The following KRT37 variants were observed in gnomAD, a reference collection of about 807,000 sequenced individuals.
KRT37 encodes keratin, type I cuticular Ha7.
Under a neutral mutation model 41.9 loss-of-function variants are expected in KRT37, and 38 were observed. That is an observed-to-expected ratio of 0.91 (90% CI 0.70 to 1.19). The LOEUF (loss-of-function observed/expected upper bound fraction) is 1.19, where lower values mean the gene tolerates loss of function less well. KRT37 is among the 50% of genes most tolerant of loss of function. The pLI is 0.00. For synonymous variants in KRT37, 252 were observed against 243.4 expected (o/e 1.04, Z -0.33); for missense variants, 580 against 575.5 (o/e 1.01, Z -0.08).
rs2018540584 is a variant in KRT37, at chr17:41,421,579, A to C, written c.1029T>G (p.Cys343Trp). Reference sequence around the variant, plus strand: ...CCGCTTCACACAGGGAGTTCTGCAGACAGTCCTTCTGTAATGGGAAATAAT... The same window carrying C: ...CCGCTTCACACAGGGAGTTCTGCAGCCAGTCCTTCTGTAATGGGAAATAAT... ...ERQAQHTLKD[C>W]LQNSLCEAED... Residue 343 changes from cysteine (C) to tryptophan (W), a missense_variant, in exon 6 of 7, where the codon TGT (cysteine) becomes TGG (tryptophan). Transcript: ENST00000225550. 6.2e-7 allele frequency: 1 copy of C among 1,614,136 alleles called. No homozygotes were observed. Among genetic ancestry groups the C allele is most frequent in the Non-Finnish European group, 8.5e-7 (1 of 1,179,968 alleles).
At chr17:41,423,131 A>T in intron 2 of KRT37, among the ~76,000 whole-genome samples, 197 bp from the exon 3 acceptor site, 1 of 152,290 alleles carries the variant, frequency 6.6e-6, no homozygotes, top group South Asian at 2.1e-4. Context: ...GAGGCTCAGA[A>T]ACAAAACACG....
chr17:41,422,976 T>C (rs192265559), intron 2 of KRT37, 42 bp from the exon 3 acceptor site: 1 of 1,588,124 alleles, frequency 6.3e-7, no homozygotes, highest in Non-Finnish European at 8.6e-7. Context: ...AATGCCCCAA[T>C]AGCCCCTCTC....
intron 6 of KRT37, 120 bp downstream of exon 6, chr17:41,421,247 C>A (rs2018535054): frequency 1.8e-6 from 2 of 1,086,484 alleles, no homozygotes; most frequent in East Asian, 5.0e-5. Context: ...AGTCACTGAG[C>A]AAGAGAGCAC....
At position 41,420,716 on chromosome 17, in the gene KRT37, C is replaced by A; in HGVS notation, c.*162G>T. The A allele has an allele frequency of 1.9e-6, 1 of 519,784 alleles. No individual in the cohort carries two copies. Among genetic ancestry groups the A allele is most frequent in the Non-Finnish European group, 3.4e-6 (1 of 291,980 alleles). 32.2% of individuals were successfully genotyped at this position (519,784 alleles called of 1,614,324 possible). A position where few individuals can be genotyped will look rare whatever the true frequency, so the allele number is the denominator to read the frequency against. ...ATTTTAGCAACAACAAAAAATACAG[C>A]TTAGAGGCATAGGCAGGGAGCCACT... On this transcript the variant is annotated 3_prime_UTR_variant, in exon 7 of 7. Coordinates refer to ENST00000225550, the MANE Select transcript of KRT37 (RefSeq NM_003770.5).
rs116471567 is a variant in KRT37 at position 41,422,009 on chromosome 17, T to C, written c.1020+60A>G. On this transcript the variant is annotated intron_variant, in intron 5 of 6. Transcript: ENST00000225550. The stretch of plus-strand genomic sequence containing the variant: ...AACTGATTTGTGAGACTTTAAGAGA[T>C]GCTACTACCAGGACATGGCATGGGG... 4.1e-4 allele frequency: 668 copies of C among 1,612,012 alleles called. 3 individuals carry two copies. In the African/African-American group the frequency reaches 8.2e-3, roughly 20 times the overall value.
intron 2 of KRT37, 171 bp downstream of exon 2, chr17:41,423,591 C>T: frequency 1.7e-6 from 1 of 604,018 alleles, no homozygotes; most frequent in East Asian, 2.8e-5. Context: ...TATTCTCTTT[C>T]CTCCTATATA....
chr17:41,422,168 C>G lies in KRT37; in HGVS notation c.921G>C (p.Met307Ile), dbSNP rs1215831249. ...AQSEGISLQA[M>I]SCSEELQCCQ... ...AGCACTGCAGCTCCTCGGAGCAGGA[C>G]ATGGCCTGCAGGCTGATGCCTTCAG... The change falls in exon 5 of 7, where the codon ATG becomes ATC. Residue 307 changes from methionine (M) to isoleucine (I), a missense_variant. Met to Ile is a conservative substitution (Grantham distance 10, BLOSUM62 1). Coordinates refer to ENST00000225550, the MANE Select transcript of KRT37 (RefSeq NM_003770.5). 1 of 1,614,054 alleles carries G rather than the reference C, an allele frequency of 6.2e-7. No homozygotes were observed. Among genetic ancestry groups the G allele is most frequent in the African/African-American group, 1.3e-5 (1 of 74,922 alleles).
At chr17:41,421,054 A>G in intron 6 of KRT37, 68 bp from the exon 7 acceptor site, 2 of 1,293,776 alleles carry the variant, frequency 1.5e-6, no homozygotes, top group South Asian at 1.2e-5. Flanking sequence ...GGGTAAGATC[A>G]GGGTGAAGGC....
chr17:41,423,312 C>A, intron 2 of KRT37: 1 of 261,224 alleles, frequency 3.8e-6, no homozygotes. Flanking sequence ...CTCTTGGATT[C>A]ATTATTTCTC....
intron 2 of KRT37, chr17:41,423,557 C>G: frequency 1.8e-6 from 1 of 570,672 alleles, no homozygotes; most frequent in Non-Finnish European, 3.1e-6. Flanking sequence ...TAGACTACAG[C>G]CCTTCTTTTT....
chr17:41,420,888 A>T lies in KRT37; in HGVS notation c.1340T>A (p.Met447Lys). 1 of 1,611,288 alleles carries T rather than the reference A, an allele frequency of 6.2e-7. No individual in the cohort carries two copies. The highest frequency in any genetic ancestry group is 8.5e-7 in the Non-Finnish European group (1 of 1,177,612). ...GGSPSGHGASMGR is the reference protein window; with the variant it reads ...GGSPSGHGASKGR ...CTCGGGCCTTCAGAATCATCTCCCCATGCTGGCTCCATGGCCAGAGGGAGA... is the reference window on the plus strand; with the variant it reads ...CTCGGGCCTTCAGAATCATCTCCCCTTGCTGGCTCCATGGCCAGAGGGAGA... The change falls in exon 7 of 7, where the codon ATG becomes AAG. Residue 447 changes from methionine (M) to lysine (K), a missense_variant. Transcript: ENST00000225550.
intron 3 of KRT37, 137 bp from the exon 4 acceptor site, chr17:41,422,571 T>C (rs1421289515): frequency 2.2e-6 from 3 of 1,361,606 alleles, no homozygotes; most frequent in East Asian, 2.3e-5. Flanking sequence ...TTGTCCAGAG[T>C]GCATTTGGGA....
At position 41,421,565 on chromosome 17, in the gene KRT37, A is replaced by G. The variant is rs1328661566; in HGVS notation, c.1043T>C (p.Leu348Pro). ...HTLKDCLQNS[L>P]CEAEDRYGTE... ...GCCGTAGCGGTCCTCCGCTTCACAC[A>G]GGGAGTTCTGCAGACAGTCCTTCTG... The change falls in exon 6 of 7, where the codon CTG (leucine) becomes CCG (proline). Residue 348 changes from leucine to proline, a missense_variant. Coordinates refer to ENST00000225550, the MANE Select transcript of KRT37 (RefSeq NM_003770.5). 3 of 1,614,130 alleles carry G rather than the reference A, an allele frequency of 1.9e-6. No individual in the cohort carries two copies. The highest frequency in any genetic ancestry group is 1.6e-4 in the Middle Eastern group (1 of 6,084).
At position 41,421,508 on chromosome 17, in the gene KRT37, C is replaced by T. The variant is rs2018539213; in HGVS notation, c.1100G>A (p.Ser367Asn). 3.7e-6 allele frequency: 6 copies of T among 1,614,142 alleles called. No individual in the cohort carries two copies. The East Asian group carries it at 1.3e-4, about 36-fold the overall frequency. Residue 367 changes from serine to asparagine, a missense_variant, in exon 6 of 7, where the codon AGC (serine) becomes AAC (asparagine). Transcript: ENST00000225550. ...TELAQMQSLI[S>N]NLEEQLSEIR... ...CTCAGACAACTGCTCTTCCAAGTTG[C>T]TAATGAGGCTCTGCATCTGGGCCAG...
rs2018588225 is a variant in KRT37 at position 41,424,450 on chromosome 17, A to G, written c.74T>C (p.Val25Ala). ...TMAPGARNVF[V>A]SPIDVGCQPV... is the part of the protein sequence containing the mutation. ...CTGGCACCCAACATCGATAGGAGAGACAAAGACATTTCTTGCTCCAGGAGC... is the reference window on the plus strand; with the variant it reads ...CTGGCACCCAACATCGATAGGAGAGGCAAAGACATTTCTTGCTCCAGGAGC... Residue 25 changes from valine (V) to alanine (A), a missense_variant, in exon 1 of 7, where the codon GTC becomes GCC. Val to Ala is a moderately conservative substitution (Grantham distance 64). Transcript: ENST00000225550. 6.2e-7 allele frequency: 1 copy of G among 1,609,052 alleles called. No individual in the cohort carries two copies. The highest frequency in any genetic ancestry group is 8.5e-7 in the Non-Finnish European group (1 of 1,176,234).
In KRT37 at chr17:41,420,979, A is replaced by C; in HGVS notation, c.1249T>G (p.Cys417Gly). 6.2e-7 allele frequency: 1 copy of C among 1,611,842 alleles called. No homozygotes were observed. The highest frequency in any genetic ancestry group is 2.2e-5 in the East Asian group (1 of 44,886). ...LLESEDCKLP[C>G]NPCSTPASCT... ...GAGGCAGGCGTGGAACAGGGATTGC[A>C]GGGGAGTCTGCAGGGAGAGAAAGAA... Residue 417 changes from cysteine to glycine, a missense_variant, in exon 7 of 7, where the codon TGC becomes GGC. By Grantham distance (159) the Cys-to-Gly change is radical (BLOSUM62 -3). Transcript: ENST00000225550.
intron 6 of KRT37, 57 bp downstream of exon 6, chr17:41,421,310 T>C: frequency 6.4e-7 from 1 of 1,567,172 alleles, no homozygotes; most frequent in Non-Finnish European, 8.8e-7. Flanking sequence ...CCATTACCTC[T>C]GAGGAATTGC....
In KRT37 at chr17:41,422,375, C is replaced by T. The variant is rs773717271; in HGVS notation, c.792G>A (p.Glu264=). 6.2e-7 allele frequency: 1 copy of T among 1,614,162 alleles called. No individual in the cohort carries two copies. The highest frequency in any genetic ancestry group is 8.5e-7 in the Non-Finnish European group (1 of 1,179,988). Residue 264 remains glutamate (E), a synonymous_variant, in exon 4 of 7, where the codon GAG becomes GAA. Coordinates refer to ENST00000225550, the MANE Select transcript of KRT37 (RefSeq NM_003770.5). ...GEKFRIELDI[E]PTIDLNRVLG... is the part of the protein sequence containing the mutation. Reference sequence around the variant, plus strand: ...ACACCCTGTTCAGGTCAATGGTGGGCTCAATGTCCAGCTCGATCCGGAACT... The same window carrying T: ...ACACCCTGTTCAGGTCAATGGTGGGTTCAATGTCCAGCTCGATCCGGAACT...
At position 41,424,564 on chromosome 17, in the gene KRT37, G is replaced by C. The variant is rs72485487; in HGVS notation, c.-41C>G. Reference sequence around the variant, plus strand: ...CTGCACAGGAGCTTCAGATCAGCTGGGAAGGCTGAGCCACTGAGACTGAAG... The same window carrying C: ...CTGCACAGGAGCTTCAGATCAGCTGCGAAGGCTGAGCCACTGAGACTGAAG... On this transcript the variant is annotated 5_prime_UTR_variant, in exon 1 of 7. Coordinates refer to ENST00000225550, the MANE Select transcript of KRT37 (RefSeq NM_003770.5). The C allele has an allele frequency of 0.17, 255,063 of 1,525,246 alleles. 22,756 individuals are homozygous for C. The highest frequency in any genetic ancestry group is 0.3 in the East Asian group (13,240 of 43,934). The allele number at this position is 1,525,246 out of a possible 1,614,324, so 94.5% of individuals were successfully genotyped here.
Sources: allele counts gnomAD v4.1 joint callset (sites outside exome capture counted in the v4.1 genomes callset), GRCh38; gene constraint gnomAD v4.1.1; transcripts MANE v1.5; gene names NCBI Gene and HGNC (gene_info 2026-07-23, HGNC 2026-07-21).